MACROD2: variants seen among roughly 807,000 people sequenced by gnomAD.
MACROD2 encodes ADP-ribose glycohydrolase MACROD2.
MACROD2 carries 36 observed loss-of-function variants against 70.4 expected under a neutral mutation model. The observed-to-expected ratio is 0.51, with a 90% CI of 0.39 to 0.68. The LOEUF (loss-of-function observed/expected upper bound fraction) is 0.68. Ranked by LOEUF, MACROD2 falls within the 30% of genes least tolerant of loss-of-function variation. MACROD2 has a pLI of 0.00. For synonymous variants in MACROD2, 172 were observed against 178.8 expected (o/e 0.96, Z 0.30); for missense variants, 496 against 538.4 (o/e 0.92, Z 0.78).
intron 2 of MACROD2, among the ~76,000 whole-genome samples, chr20:14,007,200 T>C (rs1009242964): frequency 6.6e-6 from 1 of 152,092 alleles, no homozygotes; most frequent in African/African-American, 2.4e-5. Flanking sequence ...AGAGGAACTT[T>C]CTGTTATTAA....
intron 7 of MACROD2, among the ~76,000 whole-genome samples, chr20:15,474,259 T>C (rs2076228142): frequency 6.6e-6 from 1 of 152,232 alleles, no homozygotes; most frequent in Non-Finnish European, 1.5e-5. Flanking sequence ...GCTTTCCAAA[T>C]TGTATTTCTA....
At chr20:15,340,063 G>T (rs2078090959) in intron 6 of MACROD2, among the ~76,000 whole-genome samples, 2 of 149,902 alleles carry the variant, frequency 1.3e-5, no homozygotes, top group Admixed American at 1.3e-4. Context: ...TTTTTCACCA[G>T]GCCCCAATAT....
chr20:15,171,383 C>A (rs368929928), intron 5 of MACROD2, among the ~76,000 whole-genome samples: 1 of 150,836 alleles, frequency 6.6e-6, no homozygotes. Context: ...CCCCACCTTT[C>A]TCCTTGTGTC....
chr20:14,539,107 A>C (rs1052491518), intron 4 of MACROD2, among the ~76,000 whole-genome samples: 11 of 152,186 alleles, frequency 7.2e-5, no homozygotes, highest in South Asian at 6.2e-4. Flanking sequence ...TCTTAGACAA[A>C]ATTTGGCAAC....
At chr20:15,571,063 AT>A (rs1457695184) in intron 8 of MACROD2, among the ~76,000 whole-genome samples, 1 of 152,194 alleles carries the variant, frequency 6.6e-6, no homozygotes, top group Non-Finnish European at 1.5e-5. Context: ...TATCTTCAGA[AT>A]CCCCTAGTAG....
chr20:14,184,124 T>G lies in MACROD2; in HGVS notation c.271+98396T>G, dbSNP rs527348744. Among the ~76,000 whole-genome samples, 148 of 152,174 alleles carry G rather than the reference T, an allele frequency of 9.7e-4. 4 individuals carry two copies. In the South Asian group the frequency reaches 0.029, roughly 30 times the overall value. Reference sequence around the variant, plus strand: ...CTTTGCTTGTGCCTGTGTCCTGAATTGTATTGCATATGTTTTCTTCCAGGG... The same window carrying G: ...CTTTGCTTGTGCCTGTGTCCTGAATGGTATTGCATATGTTTTCTTCCAGGG... On this transcript the variant is annotated intron_variant, in intron 3 of 17. Transcript: ENST00000684519.
At chr20:15,663,854 A>C (rs990317605) in intron 8 of MACROD2, among the ~76,000 whole-genome samples, 2 of 152,164 alleles carry the variant, frequency 1.3e-5, no homozygotes, top group African/African-American at 4.8e-5. Context: ...ACTCATCAAC[A>C]TACCAACTGC....
intron 17 of MACROD2, among the ~76,000 whole-genome samples, chr20:16,049,173 G>T (rs1371939762): frequency 1.3e-5 from 2 of 152,016 alleles, no homozygotes; most frequent in African/African-American, 2.4e-5. Context: ...GTAGGGAAGG[G>T]AACTTTCCAG....
At chr20:15,802,080 G>A (rs1041782030) in intron 8 of MACROD2, among the ~76,000 whole-genome samples, 2 of 151,858 alleles carry the variant, frequency 1.3e-5, no homozygotes, top group Admixed American at 6.6e-5. Context: ...TTTGATTGTC[G>A]GATCTCAGAG....
intron 10 of MACROD2, among the ~76,000 whole-genome samples, chr20:15,892,685 G>A (rs926882404): frequency 6.6e-6 from 1 of 152,330 alleles, no homozygotes; most frequent in Admixed American, 6.5e-5. Context: ...TTTTACATTT[G>A]TGTGAATCAC....
chr20:15,637,048 A>G (rs1018624505), intron 8 of MACROD2, among the ~76,000 whole-genome samples: 5 of 152,188 alleles, frequency 3.3e-5, no homozygotes, highest in African/African-American at 1.2e-4. Flanking sequence ...TCAGCTCCAT[A>G]AAAGAGTGTG....
chr20:14,072,807 G>A lies in MACROD2; in HGVS notation c.164-12814G>A, dbSNP rs574335057. Among the ~76,000 whole-genome samples the A allele has an allele frequency of 5.3e-5, 8 of 151,932 alleles. No individual in the cohort carries two copies. The East Asian group carries it at 1.4e-3, about 26-fold the overall frequency. On this transcript the variant is annotated intron_variant, in intron 2 of 17. Coordinates refer to ENST00000684519, the MANE Select transcript of MACROD2 (RefSeq NM_001351661.2). Reference sequence around the variant, plus strand: ...AAATTAGCTGGGCGTGGTGGCGGACGCCTATAGTCCCATCTACTCGGGAGG... The same window carrying A: ...AAATTAGCTGGGCGTGGTGGCGGACACCTATAGTCCCATCTACTCGGGAGG...
intron 5 of MACROD2, among the ~76,000 whole-genome samples, chr20:14,908,068 G>A (rs528485823): frequency 1.3e-5 from 2 of 152,324 alleles, no homozygotes; most frequent in Admixed American, 6.5e-5. Context: ...TGTCAGCCAG[G>A]CACGGTGGCT....
chr20:14,583,035 G>C (rs1379098581), intron 4 of MACROD2, among the ~76,000 whole-genome samples: 1 of 150,616 alleles, frequency 6.6e-6, no homozygotes, highest in Non-Finnish European at 1.5e-5. Flanking sequence ...CAACTCTCTT[G>C]TCTGAGCGTA....
intron 8 of MACROD2, among the ~76,000 whole-genome samples, chr20:15,729,845 T>TTTTTTTTTTTTTTTTTG (rs1302765711): frequency 6.9e-6 from 1 of 144,564 alleles, no homozygotes. Context: ...TTTTTTTTTT[T>TTTTTTTTTTTTTTTTTG]TGGATGGAGT....
At chr20:14,693,055 A>G (rs1311201220) in intron 5 of MACROD2, among the ~76,000 whole-genome samples, 1 of 152,206 alleles carries the variant, frequency 6.6e-6, no homozygotes, top group East Asian at 1.9e-4. Context: ...CGCTGTCTAT[A>G]CCTCCTATTT....
intron 2 of MACROD2, among the ~76,000 whole-genome samples, chr20:14,031,260 G>C (rs1403361226): frequency 6.6e-6 from 1 of 152,050 alleles, no homozygotes; most frequent in East Asian, 1.9e-4. Context: ...GATTTCTCTG[G>C]TTTTATTTCT....
intron 2 of MACROD2, among the ~76,000 whole-genome samples, chr20:14,075,939 C>G (rs2053910887): frequency 6.6e-6 from 1 of 152,124 alleles, no homozygotes; most frequent in Non-Finnish European, 1.5e-5. Flanking sequence ...TGGTCCACAG[C>G]CTCCATAAGA....
At chr20:15,851,562 ACCT>A (rs1195786118) in intron 8 of MACROD2, among the ~76,000 whole-genome samples, 1 of 152,030 alleles carries the variant, frequency 6.6e-6, no homozygotes, top group Non-Finnish European at 1.5e-5. Context: ...TATCCCCGTG[ACCT>A]CATTTTACTG....
Sources: allele counts gnomAD v4.1 joint callset (sites outside exome capture counted in the v4.1 genomes callset), GRCh38; gene constraint gnomAD v4.1.1; transcripts MANE v1.5; gene names NCBI Gene and HGNC (gene_info 2026-07-23, HGNC 2026-07-21).